The following CDCA3 variants were observed in gnomAD, a reference collection of about 807,000 sequenced individuals.
CDCA3 encodes the protein cell division cycle associated 3, also known as cell division cycle-associated protein 3.
Under a neutral mutation model 29.1 loss-of-function variants are expected in CDCA3, and 16 were observed. The ratio of observed to expected loss-of-function variants is 0.55; its 90% CI spans 0.37 to 0.83. The LOEUF is 0.83. Among genes scored for constraint, CDCA3 ranks in the 40% least tolerant of loss-of-function variants. CDCA3 has a pLI of 0.00. For synonymous variants in CDCA3, 88 were observed against 124.5 expected, an observed-to-expected ratio of 0.71 and a Z score of 1.95; for missense variants, 291 against 327.2, an observed-to-expected ratio of 0.89 and a Z score of 0.85.
At chr12:6,846,621 G>GCA (rs782811517), downstream of CDCA3, 61 of 553,878 alleles carry the variant, frequency 1.1e-4, no homozygotes, top group Middle Eastern at 4.1e-4. Context: ...AAGCACACAT[G>GCA]CACACACACA....
In CDCA3 at chr12:6,851,204, A is replaced by C; in HGVS notation, c.-58+18T>G. The C allele has an allele frequency of 7.7e-7, 1 of 1,296,338 alleles. No individual in the cohort carries two copies. The highest frequency in any genetic ancestry group is 3.2e-5 in the East Asian group (1 of 31,400). 80.3% of individuals were successfully genotyped at this position (1,296,338 alleles called of 1,614,324 possible). ...CTGAGCCCTCTAACTTATTTATTAA[A>C]TTATTCAAATCACTTACCGGGCCCC... On this transcript the variant is annotated intron_variant, in intron 1 of 5. Transcript: ENST00000538862.
chr12:6,845,954 C>T, downstream of CDCA3: 7 of 634,622 alleles, frequency 1.1e-5, no homozygotes, highest in Non-Finnish European at 1.7e-5. Context: ...TCCAGTACCC[C>T]TTGGTTCCCA....
At chr12:6,851,067 T>G in intron 1 of CDCA3, 58 bp from the exon 2 acceptor site, 8 of 1,440,858 alleles carry the variant, frequency 5.6e-6, no homozygotes, top group Non-Finnish European at 7.3e-6. Context: ...CCTTCAACCC[T>G]AAACCACCCT....
chr12:6,845,228 G>C (rs1555124342), downstream of CDCA3: 1 of 245,830 alleles, frequency 4.1e-6, no homozygotes, highest in East Asian at 9.1e-5. Context: ...ATTTGTACTG[G>C]ACCCTGTTCT....
chr12:6,849,566 T>C lies in CDCA3; in HGVS notation c.543A>G (p.Ser181=). The part of the protein sequence containing the change: ...PSRDPETPRS[S]GSMRNRWKPN... ...TGCATCTTGCCTTAGATTCTGTACC[T>C]GAAGATCTGGGAGTCTCAGGGTCCC... The change falls in exon 4 of 6, where the codon TCA becomes TCG. Residue 181 remains serine (S), a splice_region_variant and synonymous_variant. Coordinates refer to ENST00000538862, the MANE Select transcript of CDCA3 (RefSeq NM_031299.7). This position sits in a 1 kb window ranked among gnomAD's most constrained non-coding sequence, Gnocchi z 5.2. 2 of 1,605,766 alleles carry C rather than the reference T, an allele frequency of 1.2e-6. No individual in the cohort carries two copies. The highest frequency in any genetic ancestry group is 1.7e-6 in the Non-Finnish European group (2 of 1,175,156).
At chr12:6,847,118 C>G (rs1476208948), downstream of CDCA3, 2 of 539,078 alleles carry the variant, frequency 3.7e-6, no homozygotes, top group Non-Finnish European at 6.7e-6. Flanking sequence ...CTTCCCTCCC[C>G]ACAGTCCTCA....
Position 6,849,418 on chromosome 12 carries a change from T to C in CDCA3, c.556A>G (p.Asn186Asp), listed in dbSNP as rs1555125700. 6.3e-7 allele frequency: 1 copy of C among 1,593,320 alleles called. No homozygotes were observed. The highest frequency in any genetic ancestry group is 1.4e-5 in the African/African-American group (1 of 74,062). Residue 186 changes from asparagine to aspartate, a missense_variant, in exon 5 of 6, where the codon AAT becomes GAT. Physicochemically the swap from Asn to Asp is conservative, Grantham distance 23. Transcript: ENST00000538862. The surrounding 1 kb of genome is among the most constrained non-coding windows in gnomAD (Gnocchi z 5.2). ...ETPRSSGSMR[N>D]RWKPNSSKVL... ...TTGCTGCTGTTTGGTTTCCATCTAT[T>C]GCGCATAGAACCTGGGGTGGGTAAG...
chr12:6,849,763 C>T lies in CDCA3; in HGVS notation c.346G>A (p.Ala116Thr), dbSNP rs1312131146. The change falls in exon 4 of 6, where the codon GCA becomes ACA. Residue 116 changes from alanine (A) to threonine (T), a missense_variant. Physicochemically the swap from Ala to Thr is moderately conservative, Grantham distance 58. Transcript: ENST00000538862. This position sits in a 1 kb window ranked among gnomAD's most constrained non-coding sequence, Gnocchi z 5.2. ...LPPEPVLPPE[A>T]PLSSELDLPL... ...AAGTCCAATTCAGAAGATAAAGGTG[C>T]CTCTGGGGGCAGAACAGGCTCTGGG... 7 of 1,610,552 alleles carry T rather than the reference C, an allele frequency of 4.3e-6. No homozygotes were observed. The highest frequency in any genetic ancestry group is 2.7e-5 in the African/African-American group (2 of 74,796).
downstream of CDCA3, chr12:6,847,298 C>T (rs5446): frequency 0.31 from 68,836 of 220,912 alleles, 11,406 homozygotes; most frequent in African/African-American, 0.42. Flanking sequence ...GCTCTGGCAC[C>T]ACTAGGGTCC....
Position 6,849,372 on chromosome 12 carries a change from A to AG in CDCA3, c.601dup (p.Leu201ProfsTer7). On this transcript the variant is annotated frameshift_variant, in exon 5 of 6. Transcript: ENST00000538862. LOFTEE classifies it high-confidence loss of function. This position sits in a 1 kb window ranked among gnomAD's most constrained non-coding sequence, Gnocchi z 5.2. ...GGAGTTGTCATCCTGCAGGATGGTGAGGGGGGATCTCCCTAGTACCTTGCT... is the reference window on the plus strand; with the variant it reads ...GGAGTTGTCATCCTGCAGGATGGTGAGGGGGGGATCTCCCTAGTACCTTGCT... The AG allele has an allele frequency of 6.2e-7, 1 of 1,606,206 alleles. No individual in the cohort carries two copies.
chr12:6,850,849 A>C lies in CDCA3; in HGVS notation c.104T>G (p.Leu35Arg). 6.2e-7 allele frequency: 1 copy of C among 1,614,058 alleles called. No homozygotes were observed. The highest frequency in any genetic ancestry group is 8.5e-7 in the Non-Finnish European group (1 of 1,179,998). Residue 35 changes from leucine to arginine, a missense_variant, in exon 2 of 6, where the codon CTG (leucine) becomes CGG (arginine). By Grantham distance (102) the Leu-to-Arg change is moderately radical. Transcript: ENST00000538862. The surrounding 1 kb of genome is among the most constrained non-coding windows in gnomAD (Gnocchi z 4.7). ...ADPRSPSAGILRTPIQVESSP... is the reference protein window; with the variant it reads ...ADPRSPSAGIRRTPIQVESSP... ...CCAGAGTACCTGGATGGGAGTGCGC[A>C]GGATGCCAGCACTAGGTGAACGGGG... is the stretch of plus-strand genomic sequence containing the variant.
In CDCA3 at chr12:6,850,681, C is replaced by A; in HGVS notation, c.121-85G>T. The A allele has an allele frequency of 1.2e-6, 2 of 1,600,612 alleles. No homozygotes were observed. Among genetic ancestry groups the A allele is most frequent in the Non-Finnish European group, 1.7e-6 (2 of 1,170,628 alleles). On this transcript the variant is annotated intron_variant, in intron 2 of 5. Transcript: ENST00000538862. This position sits in a 1 kb window ranked among gnomAD's most constrained non-coding sequence, Gnocchi z 4.7. Reference sequence around the variant, plus strand: ...ATATTCCAGGAAGGAATTGCCAAGGCCCTCAGATATCCAGCCTACCCCACA... The same window carrying A: ...ATATTCCAGGAAGGAATTGCCAAGGACCTCAGATATCCAGCCTACCCCACA...
chr12:6,846,703 A>ACACC, downstream of CDCA3: 2 of 720,758 alleles, frequency 2.8e-6, no homozygotes, highest in Non-Finnish European at 4.9e-6. Context: ...ACACACACCC[A>ACACC]CACACCCACA....
downstream of CDCA3, chr12:6,846,809 G>C: frequency 6.3e-7 from 1 of 1,595,706 alleles, no homozygotes; most frequent in Non-Finnish European, 8.5e-7. Context: ...CTCTGGCCAC[G>C]ATAACAGGGT....
rs1555125712 is a variant in CDCA3 at position 6,849,456 on chromosome 12, G to A, written c.545-27C>T. Reference sequence around the variant, plus strand: ...TGGGGTGGGTAAGGCGTTAAAGCAAGGACCCAAAACTAGGACTTACAGTTT... The same window carrying A: ...TGGGGTGGGTAAGGCGTTAAAGCAAAGACCCAAAACTAGGACTTACAGTTT... On this transcript the variant is annotated intron_variant, in intron 4 of 5. Coordinates refer to ENST00000538862, the MANE Select transcript of CDCA3 (RefSeq NM_031299.7). The surrounding 1 kb of genome is among the most constrained non-coding windows in gnomAD (Gnocchi z 5.2). The A allele has an allele frequency of 1.9e-6, 3 of 1,562,858 alleles. No homozygotes were observed. The African/African-American group carries it at 4.1e-5, about 21-fold the overall frequency.
At chr12:6,847,143 A>C (rs1591594546), downstream of CDCA3, 2 of 472,332 alleles carry the variant, frequency 4.2e-6, no homozygotes, top group Non-Finnish European at 7.7e-6. Flanking sequence ...CTCTCCCTTA[A>C]TGAGCAAGGA....
At chr12:6,846,604 T>C (rs781936032), downstream of CDCA3, 36 of 520,698 alleles carry the variant, frequency 6.9e-5, no homozygotes, top group African/African-American at 6.1e-4. Context: ...CCTGCATGCA[T>C]GTGCTCAAGC....
chr12:6,846,890 T>C (rs1555124870), downstream of CDCA3: 4 of 1,575,598 alleles, frequency 2.5e-6, no homozygotes, highest in Non-Finnish European at 3.5e-6. Flanking sequence ...CCTCAAAATC[T>C]GGAACTGAGG....
At chr12:6,846,471 T>C, downstream of CDCA3, 1 of 256,928 alleles carries the variant, frequency 3.9e-6, no homozygotes, top group Non-Finnish European at 7.5e-6. Flanking sequence ...AGCCTTTCTC[T>C]GTCTGATCCC....
Sources: gnomAD v4.1 joint callset for allele counts on GRCh38, gnomAD v4.1.1 for gene constraint, Gnocchi (gnomAD v3.1) non-coding constraint, MANE v1.5 for transcripts, NCBI Gene and HGNC (gene_info 2026-07-23, HGNC 2026-07-21) for gene names.